ARMH3: variants seen among roughly 807,000 people sequenced by gnomAD.
ARMH3 encodes armadillo like helical domain containing 3, also known as armadillo-like helical domain-containing protein 3.
In ARMH3, 60 loss-of-function variants were observed where a neutral mutation model predicts 99.1. The ratio of observed to expected loss-of-function variants is 0.61; its 90% CI spans 0.49 to 0.75. The LOEUF (loss-of-function observed/expected upper bound fraction) is 0.75. Ranked by LOEUF, ARMH3 falls within the 30% of genes least tolerant of loss-of-function variation. ARMH3 has a pLI of 0.00. For synonymous variants in ARMH3, 285 were observed against 292.8 expected (o/e 0.97, Z 0.27); for missense variants, 679 against 843.1 (o/e 0.81, Z 2.41).
intron 23 of ARMH3, among the ~76,000 whole-genome samples, chr10:101,919,924 A>G (rs1843239642): frequency 1.3e-5 from 2 of 152,000 alleles, no homozygotes; most frequent in Non-Finnish European, 2.9e-5. Context: ...ATTTTTGTTC[A>G]GTGTTTCTCT....
chr10:102,001,258 C>A (rs529202295), intron 15 of ARMH3, among the ~76,000 whole-genome samples: 6 of 152,100 alleles, frequency 3.9e-5, no homozygotes, highest in Non-Finnish European at 8.8e-5. Context: ...TCACATAAAT[C>A]CTGTATAAAG....
chr10:101,881,943 C>T (rs1378133642), intron 24 of ARMH3, among the ~76,000 whole-genome samples: 1 of 152,154 alleles, frequency 6.6e-6, no homozygotes, highest in Non-Finnish European at 1.5e-5. Flanking sequence ...TTTCTGACCA[C>T]TTTTCTGATT....
intron 15 of ARMH3, among the ~76,000 whole-genome samples, chr10:101,999,192 A>T (rs181771057): frequency 6.6e-6 from 1 of 152,140 alleles, no homozygotes; most frequent in Non-Finnish European, 1.5e-5. Context: ...TAGGAAAAAA[A>T]ATCCTTTTTT....
intron 14 of ARMH3, among the ~76,000 whole-genome samples, chr10:102,002,392 G>C (rs2066381004): frequency 6.6e-6 from 1 of 151,910 alleles, no homozygotes; most frequent in South Asian, 2.1e-4. Context: ...AGAGTTTAAG[G>C]CCCTTCTTAA....
At chr10:101,992,642 C>T (rs1363217899) in intron 17 of ARMH3, among the ~76,000 whole-genome samples, 1 of 151,928 alleles carries the variant, frequency 6.6e-6, no homozygotes, top group Non-Finnish European at 1.5e-5. Flanking sequence ...ACTACAGGTG[C>T]CTGCCACCAC....
At chr10:101,894,128 G>A (rs745680329) in intron 23 of ARMH3, among the ~76,000 whole-genome samples, 2 of 152,164 alleles carry the variant, frequency 1.3e-5, no homozygotes, top group Non-Finnish European at 2.9e-5. Flanking sequence ...TACCCACAAA[G>A]GCAGTATATG....
intron 20 of ARMH3, among the ~76,000 whole-genome samples, chr10:101,970,968 G>A (rs1449110840): frequency 6.6e-6 from 1 of 151,714 alleles, no homozygotes; most frequent in Non-Finnish European, 1.5e-5. Context: ...ATGGTGGCTT[G>A]CATCTATGGT....
At chr10:101,847,738 T>C (rs1390998444) in intron 25 of ARMH3, 118 bp from the exon 26 acceptor site, 4 of 888,590 alleles carry the variant, frequency 4.5e-6, no homozygotes, top group African/African-American at 1.6e-5. Context: ...GTCTCTCTCT[T>C]AGGAAATGAA....
intron 23 of ARMH3, among the ~76,000 whole-genome samples, chr10:101,935,036 C>T (rs552547158): frequency 2.0e-5 from 3 of 151,980 alleles, no homozygotes; most frequent in African/African-American, 7.2e-5. Context: ...ATTTCCTAAA[C>T]CAAGACTCCT....
At chr10:102,017,322 C>T (rs969725485) in intron 8 of ARMH3, among the ~76,000 whole-genome samples, 2 of 152,232 alleles carry the variant, frequency 1.3e-5, no homozygotes, top group East Asian at 3.8e-4. Flanking sequence ...CCCACCAGCT[C>T]GCCCTTGCCC....
chr10:101,872,508 C>T (rs1024247897), intron 24 of ARMH3, among the ~76,000 whole-genome samples: 19 of 152,044 alleles, frequency 1.2e-4, no homozygotes, highest in African/African-American at 4.6e-4. Flanking sequence ...ACCAGCCTGA[C>T]CAATATGGTG....
chr10:102,020,087 T>C (rs966358462), intron 8 of ARMH3, among the ~76,000 whole-genome samples: 10 of 151,420 alleles, frequency 6.6e-5, no homozygotes, highest in African/African-American at 2.4e-4. Flanking sequence ...TACAATGTGT[T>C]TGTGTTTCAA....
At chr10:102,048,439 CATTTT>C (rs753187761) in intron 1 of ARMH3, among the ~76,000 whole-genome samples, 6 of 152,098 alleles carry the variant, frequency 3.9e-5, no homozygotes, top group Non-Finnish European at 7.4e-5. Flanking sequence ...TGTTTTGTTT[CATTTT>C]GAGACAGTGT....
In ARMH3 at chr10:102,009,475, G is replaced by A. The variant is rs373767727; in HGVS notation, c.879-26C>T. On this transcript the variant is annotated intron_variant, in intron 12 of 25. Transcript: ENST00000370033. The stretch of plus-strand genomic sequence containing the variant: ...CTAAAGAAAAAGAGAACAAATTGGA[G>A]CAGTTTTTATAGTGGGGGGAGTTAA... The A allele has an allele frequency of 3.6e-4, 577 of 1,592,920 alleles. 6 individuals carry two copies. The South Asian group carries it at 4.5e-3, about 13-fold the overall frequency.
rs1422732708 is a variant in ARMH3 at position 101,845,810 on chromosome 10, C to A, written c.*1718G>T. ...CTTCTCTGGAACTAGTGCATAGCTG[C>A]TCAATGTTAGAGCCAGAACTCTGGT... On this transcript the variant is annotated 3_prime_UTR_variant, in exon 26 of 26. Transcript: ENST00000370033. The A allele has an allele frequency of 2.6e-5, 4 of 152,206 alleles. No individual in the cohort carries two copies. The highest frequency in any genetic ancestry group is 2.6e-4 in the Admixed American group (4 of 15,286). The allele number at this position is 152,206 out of a possible 1,614,324, so 9.4% of individuals were successfully genotyped here. A position where few individuals can be genotyped will look rare whatever the true frequency, so the allele number is the denominator to read the frequency against.
chr10:102,055,777 C>T (rs914611105), intron 1 of ARMH3, among the ~76,000 whole-genome samples: 3 of 152,226 alleles, frequency 2.0e-5, no homozygotes, highest in African/African-American at 7.2e-5. Flanking sequence ...AGGTCAGCAC[C>T]TCGGAAGCCA....
chr10:101,884,648 A>G (rs1465585205), intron 24 of ARMH3, among the ~76,000 whole-genome samples: 1 of 152,222 alleles, frequency 6.6e-6, no homozygotes, highest in Non-Finnish European at 1.5e-5. Context: ...ATATCTAAAC[A>G]TAAGAGCTAA....
chr10:102,029,340 TTTTA>T (rs2067071113), intron 5 of ARMH3: 3 of 1,057,824 alleles, frequency 2.8e-6, no homozygotes, highest in Admixed American at 5.7e-5. Flanking sequence ...TGTTGTTATA[TTTTA>T]TTTAAATTCA....
chr10:101,951,404 T>C (rs907030781), intron 22 of ARMH3, among the ~76,000 whole-genome samples: 2 of 151,766 alleles, frequency 1.3e-5, no homozygotes, highest in African/African-American at 4.8e-5. Flanking sequence ...ACCTCATCTA[T>C]ACAAAAAAAC....
Sources: allele counts gnomAD v4.1 joint callset (sites outside exome capture counted in the v4.1 genomes callset), GRCh38; gene constraint gnomAD v4.1.1; transcripts MANE v1.5; gene names NCBI Gene and HGNC (gene_info 2026-07-23, HGNC 2026-07-21).